Variants in CPXM2 observed in about 807,000 individuals in gnomAD.
CPXM2 encodes carboxypeptidase X, M14 family member 2, also known as inactive carboxypeptidase-like protein X2.
In CPXM2, 66 loss-of-function variants were observed where a neutral mutation model predicts 86.1. The ratio of observed to expected loss-of-function variants is 0.77; its 90% CI spans 0.63 to 0.94. The LOEUF is 0.94. CPXM2 is among the 40% of genes least tolerant of loss of function. The pLI is 0.00. For missense variants in CPXM2, 948 were observed against 1,026.3 expected (o/e 0.92, Z 1.04); for synonymous variants, 388 against 400.2 (o/e 0.97, Z 0.36).
At chr10:123,925,716 T>C (rs556047773) in intron 2 of CPXM2, among the ~76,000 whole-genome samples, 1 of 152,178 alleles carries the variant, frequency 6.6e-6, no homozygotes, top group Non-Finnish European at 1.5e-5. Context: ...CATGTTTCTG[T>C]CTTGTTTACC....
At chr10:123,878,780 G>A (rs921134118) in intron 2 of CPXM2, among the ~76,000 whole-genome samples, 2 of 152,126 alleles carry the variant, frequency 1.3e-5, no homozygotes, top group African/African-American at 4.8e-5. Flanking sequence ...ATGGCAGTAA[G>A]ACCCAGGGAG....
intron 6 of CPXM2, among the ~76,000 whole-genome samples, chr10:123,796,937 A>AG (rs1245515763): frequency 2.0e-5 from 3 of 152,210 alleles, no homozygotes; most frequent in Non-Finnish European, 4.4e-5. Flanking sequence ...GAGGCCCTGT[A>AG]GGGGGTGATC....
At position 123,843,179 on chromosome 10, in the gene CPXM2, T is replaced by C. The variant is rs115836690; in HGVS notation, c.514-691A>G. Reference sequence around the variant, plus strand: ...GTTGCCCAGGCTGGCCTCAGACTCCTGGGTTTAAATGACCCTCCCTCCTCG... The same window carrying C: ...GTTGCCCAGGCTGGCCTCAGACTCCCGGGTTTAAATGACCCTCCCTCCTCG... On this transcript the variant is annotated intron_variant, in intron 3 of 13. Transcript: ENST00000241305. 1.9e-3 allele frequency: 762 copies of C among 393,866 alleles called. 6 individuals are homozygous for C. Among genetic ancestry groups the C allele is most frequent in the African/African-American group, 0.015 (697 of 46,898 alleles). The allele number at this position is 393,866 out of a possible 1,614,324, so 24.4% of individuals were successfully genotyped here.
chr10:123,855,627 G>A (rs1357413972), intron 3 of CPXM2, among the ~76,000 whole-genome samples: 1 of 152,202 alleles, frequency 6.6e-6, no homozygotes, highest in Non-Finnish European at 1.5e-5. Flanking sequence ...TGGAACATGA[G>A]CTGTGACACA....
intron 3 of CPXM2, among the ~76,000 whole-genome samples, chr10:123,844,416 A>G (rs1848454359): frequency 6.6e-6 from 1 of 152,210 alleles, no homozygotes; most frequent in Admixed American, 6.5e-5. Context: ...ATGTAATTTT[A>G]TAAAGGAAAT....
intron 4 of CPXM2, among the ~76,000 whole-genome samples, chr10:123,830,686 T>C (rs1848145903): frequency 6.6e-6 from 1 of 152,152 alleles, no homozygotes; most frequent in South Asian, 2.1e-4. Context: ...GGCTTGAATC[T>C]TACCCATGGC....
At chr10:123,836,205 C>CT (rs1408862157) in intron 4 of CPXM2, among the ~76,000 whole-genome samples, 1 of 152,120 alleles carries the variant, frequency 6.6e-6, no homozygotes, top group East Asian at 1.9e-4. Context: ...GGAACCTCCC[C>CT]TTGGCTCCAT....
intron 2 of CPXM2, among the ~76,000 whole-genome samples, chr10:123,866,108 G>A (rs1429506401): frequency 6.6e-6 from 1 of 151,938 alleles, no homozygotes; most frequent in Non-Finnish European, 1.5e-5. Context: ...CCTTCCCCAG[G>A]GCAGTCTTTC....
intron 6 of CPXM2, among the ~76,000 whole-genome samples, chr10:123,784,617 C>T (rs1847008595): frequency 6.6e-6 from 1 of 152,198 alleles, no homozygotes; most frequent in Non-Finnish European, 1.5e-5. Flanking sequence ...CTGGACTACC[C>T]TTCATCTCCT....
At chr10:123,761,728 A>C (rs1846342892) in intron 11 of CPXM2, 144 bp downstream of exon 11, 2 of 720,830 alleles carry the variant, frequency 2.8e-6, no homozygotes, top group Admixed American at 2.8e-5. Flanking sequence ...GTGCTTAGGA[A>C]AGTGCTGGCA....
chr10:123,868,747 G>T (rs564182551), intron 2 of CPXM2, among the ~76,000 whole-genome samples: 23 of 152,098 alleles, frequency 1.5e-4, no homozygotes, highest in African/African-American at 5.3e-4. Flanking sequence ...CTAGAATCAC[G>T]TGCCCAGAAA....
chr10:123,758,851 C>T (rs74161098), intron 11 of CPXM2, among the ~76,000 whole-genome samples: 253 of 152,284 alleles, frequency 1.7e-3, no homozygotes, highest in African/African-American at 6.0e-3. Flanking sequence ...CCTTGGACAA[C>T]TTTCCTTCAT....
chr10:123,846,618 G>A (rs1055951003), intron 3 of CPXM2, among the ~76,000 whole-genome samples: 1 of 152,124 alleles, frequency 6.6e-6, no homozygotes, highest in African/African-American at 2.4e-5. Flanking sequence ...AAAAAAATGA[G>A]GCAGAACACT....
At chr10:123,826,041 ATGGTGACGATGG>A (rs1236345840) in intron 4 of CPXM2, among the ~76,000 whole-genome samples, 4 of 152,342 alleles carry the variant, frequency 2.6e-5, no homozygotes, top group East Asian at 3.9e-4. Context: ...CATCTACTGG[ATGGTGACGATGG>A]GCCAGACACA....
At chr10:123,883,825 C>T (rs1945135350) in intron 1 of CPXM2, among the ~76,000 whole-genome samples, 1 of 152,122 alleles carries the variant, frequency 6.6e-6, no homozygotes, top group Non-Finnish European at 1.5e-5. Context: ...GCCCCTTCCT[C>T]TCTCCTAACA....
At chr10:123,868,222 G>A (rs1321847080) in intron 2 of CPXM2, among the ~76,000 whole-genome samples, 1 of 152,160 alleles carries the variant, frequency 6.6e-6, no homozygotes, top group African/African-American at 2.4e-5. Context: ...CAGCGCCCAA[G>A]GCTGCTCTTG....
chr10:123,766,049 G>A (rs1225043517), intron 10 of CPXM2, among the ~76,000 whole-genome samples: 3 of 152,226 alleles, frequency 2.0e-5, no homozygotes, highest in Admixed American at 6.5e-5. Context: ...GAAGTAGTAT[G>A]TAGAACCGCT....
intron 4 of CPXM2, among the ~76,000 whole-genome samples, chr10:123,821,596 T>C (rs1000246884): frequency 2.0e-5 from 3 of 152,198 alleles, no homozygotes; most frequent in African/African-American, 7.2e-5. Flanking sequence ...GGTATACCAA[T>C]TGTATTTGAC....
chr10:123,859,718 C>G (rs578018821), intron 3 of CPXM2, among the ~76,000 whole-genome samples: 14 of 152,294 alleles, frequency 9.2e-5, no homozygotes, highest in African/African-American at 3.4e-4. Context: ...AGACAAATAG[C>G]ACTGATGTGA....
Sources: allele counts gnomAD v4.1 joint callset (sites outside exome capture counted in the v4.1 genomes callset), GRCh38; gene constraint gnomAD v4.1.1; transcripts MANE v1.5; gene names NCBI Gene and HGNC (gene_info 2026-07-23, HGNC 2026-07-21).